ATF2: variants seen among roughly 807,000 people sequenced by gnomAD.
ATF2 encodes activating transcription factor 2.
Under a neutral mutation model 60.6 loss-of-function variants are expected in ATF2, and 24 were observed. The observed-to-expected ratio is 0.40, with a 90% CI of 0.29 to 0.56. The LOEUF is 0.56. Among genes scored for constraint, ATF2 ranks in the 20% least tolerant of loss-of-function variants. The pLI, the probability that ATF2 is intolerant of heterozygous loss-of-function variation, is 0.54. For missense variants in ATF2, 433 were observed against 607.7 expected (o/e 0.71, Z 3.02); for synonymous variants, 206 against 215.4 (o/e 0.96, Z 0.38).
chr2:175,085,562 A>T (rs1480366827), intron 12 of ATF2, among the ~76,000 whole-genome samples: 1 of 98,488 alleles, frequency 1.0e-5, no homozygotes, highest in Non-Finnish European at 2.4e-5. Flanking sequence ...ATACACACAC[A>T]CACACACACA....
Position 175,118,278 on chromosome 2 carries a change from C to G in ATF2, c.291G>C (p.Lys97Asn). 6.2e-7 allele frequency: 1 copy of G among 1,609,186 alleles called. No individual in the cohort carries two copies. The highest frequency in any genetic ancestry group is 8.5e-7 in the Non-Finnish European group (1 of 1,177,888). The change falls in exon 6 of 14, where the codon AAG becomes AAC. Residue 97 changes from lysine (K) to asparagine (N), a missense_variant. By Grantham distance (94) the Lys-to-Asn change is moderately conservative (BLOSUM62 0). This residue lies in a region of ATF2 where 246 missense variants were observed against 309.3 expected (regional missense o/e 0.80). Transcript: ENST00000264110. The stretch of plus-strand genomic sequence containing the variant: ...TTTTAATGTCATCTTCTGAAGCTTT[C>G]TTGAATTCATTCTCAAATGGACTCG... The part of the protein sequence containing the change: ...ELASPFENEF[K>N]KASEDDIKKM...
chr2:175,132,912 C>G (rs1574446892), intron 3 of ATF2, among the ~76,000 whole-genome samples: 1 of 152,010 alleles, frequency 6.6e-6, no homozygotes. Flanking sequence ...ATGGTGAAAC[C>G]CTGTCTCTAC....
intron 2 of ATF2, among the ~76,000 whole-genome samples, chr2:175,148,949 C>G: frequency 6.6e-6 from 1 of 152,058 alleles, no homozygotes; most frequent in South Asian, 2.1e-4. Context: ...TGTATAAAAC[C>G]AAGCTGTAGC....
intron 12 of ATF2, among the ~76,000 whole-genome samples, chr2:175,081,378 T>C (rs1693746456): frequency 6.6e-6 from 1 of 152,200 alleles, no homozygotes; most frequent in Non-Finnish European, 1.5e-5. Context: ...AATTTAAATC[T>C]GCTAAGTCAA....
At chr2:175,092,657 G>A in intron 12 of ATF2, 1 of 421,022 alleles carries the variant, frequency 2.4e-6, no homozygotes, top group Non-Finnish European at 4.7e-6. Flanking sequence ...ATAATTCAAA[G>A]AATGAAATAA....
intron 10 of ATF2, among the ~76,000 whole-genome samples, chr2:175,106,980 C>G (rs911965947): frequency 2.0e-5 from 3 of 152,016 alleles, no homozygotes; most frequent in Admixed American, 6.6e-5. Context: ...CCTGGCAGAG[C>G]AATCTTTACA....
At chr2:175,147,232 A>G (rs1392647128) in intron 2 of ATF2, among the ~76,000 whole-genome samples, 1 of 152,202 alleles carries the variant, frequency 6.6e-6, no homozygotes, top group Non-Finnish European at 1.5e-5. Context: ...TAGTATCAAT[A>G]TTCCCATGTC....
At chr2:175,129,451 T>C (rs62184478) in intron 4 of ATF2, among the ~76,000 whole-genome samples, 6,051 of 152,172 alleles carry the variant, frequency 0.04, 140 homozygotes, top group Admixed American at 0.094. Flanking sequence ...TTATTGTAAG[T>C]CAATTATATT....
At chr2:175,155,359 T>C (rs931506292) in intron 1 of ATF2, among the ~76,000 whole-genome samples, 4 of 152,220 alleles carry the variant, frequency 2.6e-5, no homozygotes, top group Non-Finnish European at 2.9e-5. Context: ...CAAGACACCA[T>C]TAACCCTCAA....
intron 13 of ATF2, among the ~76,000 whole-genome samples, chr2:175,077,134 T>C (rs1172356765): frequency 6.6e-6 from 1 of 152,126 alleles, no homozygotes; most frequent in African/African-American, 2.4e-5. Context: ...AACTCATCAT[T>C]TTTTATGGCT....
intron 2 of ATF2, among the ~76,000 whole-genome samples, chr2:175,149,203 C>T (rs1699146208): frequency 6.6e-6 from 1 of 152,178 alleles, no homozygotes; most frequent in African/African-American, 2.4e-5. Flanking sequence ...TCCTTCCCTT[C>T]CCACTGCCCC....
At chr2:175,123,371 A>G (rs1024713999) in intron 4 of ATF2, among the ~76,000 whole-genome samples, 1 of 152,106 alleles carries the variant, frequency 6.6e-6, no homozygotes, top group African/African-American at 2.4e-5. Flanking sequence ...AAAGAACCTC[A>G]TAATGTGGCT....
At chr2:175,086,617 C>T (rs1694186874) in intron 12 of ATF2, among the ~76,000 whole-genome samples, 1 of 151,978 alleles carries the variant, frequency 6.6e-6, no homozygotes, top group South Asian at 2.1e-4. Context: ...CCATGTTGGC[C>T]ACGCTGGTCT....
intron 2 of ATF2, among the ~76,000 whole-genome samples, chr2:175,137,392 A>T (rs1279982423): frequency 6.6e-6 from 1 of 152,164 alleles, no homozygotes; most frequent in Non-Finnish European, 1.5e-5. Context: ...GAAATCTGTA[A>T]TAGCCATGCT....
intron 3 of ATF2, among the ~76,000 whole-genome samples, chr2:175,133,406 TC>T (rs1021375347): frequency 6.6e-6 from 1 of 152,192 alleles, no homozygotes; most frequent in African/African-American, 2.4e-5. Context: ...GATGGTCTTT[TC>T]AATAATTGGT....
chr2:175,111,850 G>C (rs989328533), intron 9 of ATF2, among the ~76,000 whole-genome samples, 196 bp from the exon 10 acceptor site: 2 of 140,926 alleles, frequency 1.4e-5, no homozygotes, highest in African/African-American at 5.8e-5. Context: ...CAATTTCTGA[G>C]ACGTGTGCTT....
rs1176905315 is a variant in ATF2, at chr2:175,163,918, CAA to C, written c.-143+4130_-143+4131del. On this transcript the variant is annotated intron_variant, in intron 1 of 13. Coordinates refer to ENST00000264110, the MANE Select transcript of ATF2 (RefSeq NM_001880.4). Reference sequence around the variant, plus strand: ...CCTGGGTGACATAGCAACTCCGTCTCAAAAAAAAAAAAAAGAAAAGTGAAAAT... The same window carrying C: ...CCTGGGTGACATAGCAACTCCGTCTCAAAAAAAAAAAAGAAAAGTGAAAAT... 2.3e-4 allele frequency among the ~76,000 whole-genome samples: 7 copies of C among 30,324 alleles called. No individual in the cohort carries two copies. The South Asian group carries it at 4.8e-3, about 21-fold the overall frequency. The allele number at this position is 30,324 out of a possible 152,430, so 19.9% of individuals were successfully genotyped here.
chr2:175,102,050 T>G (rs188590520), intron 10 of ATF2, among the ~76,000 whole-genome samples: 2 of 152,156 alleles, frequency 1.3e-5, no homozygotes, highest in African/African-American at 4.8e-5. Flanking sequence ...TTAGGAGCAT[T>G]TGAAGAAGGC....
chr2:175,119,435 C>A (rs1339585168), intron 5 of ATF2, among the ~76,000 whole-genome samples: 1 of 151,504 alleles, frequency 6.6e-6, no homozygotes, highest in Non-Finnish European at 1.5e-5. Context: ...TATGTCCCCA[C>A]AGAGGGCATT....
Sources: allele counts gnomAD v4.1 joint callset (sites outside exome capture counted in the v4.1 genomes callset), GRCh38; gene constraint gnomAD v4.1.1; regional missense constraint gnomAD v4.1.1; transcripts MANE v1.5; gene names NCBI Gene and HGNC (gene_info 2026-07-23, HGNC 2026-07-21).